MIER3: variants seen among roughly 807,000 people sequenced by gnomAD.
MIER3 encodes MIER family member 3.
Under a neutral mutation model 63.2 loss-of-function variants are expected in MIER3, and 9 were observed. The ratio of observed to expected loss-of-function variants is 0.14; its 90% confidence interval spans 0.09 to 0.25. The LOEUF is 0.25. Ranked by LOEUF, MIER3 falls within the 10% of genes least tolerant of loss-of-function variation. MIER3 has a pLI of 1.00. For missense variants in MIER3, 512 were observed against 666.2 expected, an observed-to-expected ratio of 0.77 and a Z score of 2.55; for synonymous variants, 205 against 224.9, an observed-to-expected ratio of 0.91 and a Z score of 0.79.
chr5:56,949,787 G>A (rs1750954593), intron 2 of MIER3, among the ~76,000 whole-genome samples: 2 of 152,200 alleles, frequency 1.3e-5, no homozygotes, highest in Admixed American at 1.3e-4. Context: ...GTAAAATAAT[G>A]GAGTTGGACT....
intron 3 of MIER3, 71 bp downstream of exon 3, chr5:56,946,854 TA>T (rs1750841125): frequency 8.7e-7 from 1 of 1,146,144 alleles, no homozygotes; most frequent in Admixed American, 3.5e-5. Flanking sequence ...TTATTTCAGG[TA>T]GATTATTTTT....
At chr5:56,933,205 T>C in intron 8 of MIER3, 42 bp downstream of exon 8, 1 of 1,514,814 alleles carries the variant, frequency 6.6e-7, no homozygotes, top group Non-Finnish European at 8.8e-7. Flanking sequence ...ATCAAGAAGA[T>C]ACTGTAAACT....
At chr5:56,926,745 T>A (rs910997081) in intron 10 of MIER3, among the ~76,000 whole-genome samples, 1 of 152,142 alleles carries the variant, frequency 6.6e-6, no homozygotes, top group African/African-American at 2.4e-5. Context: ...ATTGAAAACC[T>A]ACATCCACAT....
chr5:56,927,176 TC>T (rs1423474115), intron 10 of MIER3, among the ~76,000 whole-genome samples: 6 of 152,102 alleles, frequency 3.9e-5, no homozygotes, highest in Non-Finnish European at 7.4e-5. Flanking sequence ...TGGATATGTA[TC>T]ATTATATATT....
chr5:56,947,218 A>G, intron 2 of MIER3, 147 bp from the exon 3 acceptor site: 1 of 754,996 alleles, frequency 1.3e-6, no homozygotes, highest in South Asian at 2.3e-5. Flanking sequence ...TAGGTTATAA[A>G]TTAAGACCCC....
chr5:56,935,528 A>C, intron 6 of MIER3, 28 bp from the exon 7 acceptor site: 1 of 1,556,926 alleles, frequency 6.4e-7, no homozygotes, highest in Non-Finnish European at 8.7e-7. Context: ...GGTAAAAATA[A>C]CTTATTAAAA....
intron 5 of MIER3, among the ~76,000 whole-genome samples, 166 bp downstream of exon 5, chr5:56,937,412 C>T (rs892777376): frequency 6.6e-6 from 1 of 152,142 alleles, no homozygotes; most frequent in African/African-American, 2.4e-5. Context: ...ATTAGTTCAC[C>T]TCTATCCCAA....
chr5:56,940,465 G>T (rs1457007950), intron 3 of MIER3, among the ~76,000 whole-genome samples: 1 of 152,176 alleles, frequency 6.6e-6, no homozygotes, highest in African/African-American at 2.4e-5. Flanking sequence ...GCCCACAGGG[G>T]ATGCAAAAGT....
At chr5:56,949,076 C>T (rs1041248417) in intron 2 of MIER3, among the ~76,000 whole-genome samples, 1 of 152,192 alleles carries the variant, frequency 6.6e-6, no homozygotes. Flanking sequence ...CTCTAAAATT[C>T]TCTTTTTAAA....
At chr5:56,931,994 TTATAAA>T (rs1186907766) in intron 8 of MIER3, among the ~76,000 whole-genome samples, 33 of 152,152 alleles carry the variant, frequency 2.2e-4, no homozygotes, top group Admixed American at 1.2e-3. Context: ...CAATATACAA[TTATAAA>T]TATAATAGAG....
At chr5:56,935,391 T>A in intron 7 of MIER3, 37 bp downstream of exon 7, 1 of 1,470,828 alleles carries the variant, frequency 6.8e-7, no homozygotes, top group Non-Finnish European at 9.3e-7. Context: ...GGTAACCTTA[T>A]CTACCAAACA....
intron 5 of MIER3, among the ~76,000 whole-genome samples, chr5:56,936,667 T>C (rs1425126566): frequency 2.0e-5 from 3 of 151,970 alleles, no homozygotes; most frequent in Non-Finnish European, 4.4e-5. Flanking sequence ...CATGCCACTA[T>C]GCCCAGCTAA....
intron 12 of MIER3, 39 bp from the exon 13 acceptor site, chr5:56,923,624 A>G: frequency 6.2e-7 from 1 of 1,612,786 alleles, no homozygotes; most frequent in Non-Finnish European, 8.5e-7. Context: ...AAGTGGTCCT[A>G]TGACATCAAA....
At position 56,950,645 on chromosome 5, in the gene MIER3, AAAG is replaced by A; in HGVS notation, c.14_16del (p.Ser5del). Reference sequence around the variant, plus strand: ...GGACAAACCTGGGCTCGAACTTCCAAAAGAAGCCTAGGAGAGAGAGAAGAAAAC... The same window carrying A: ...GGACAAACCTGGGCTCGAACTTCCAAAAGCCTAGGAGAGAGAGAAGAAAAC... On this transcript the variant is annotated inframe_deletion, in exon 2 of 13. Coordinates refer to ENST00000381199, the MANE Select transcript of MIER3 (RefSeq NM_001297599.2). 6.2e-7 allele frequency: 1 copy of A among 1,613,764 alleles called. No individual in the cohort carries two copies.
intron 1 of MIER3, among the ~76,000 whole-genome samples, chr5:56,951,201 T>A (rs1751013575): frequency 6.6e-6 from 1 of 151,358 alleles, no homozygotes; most frequent in Non-Finnish European, 1.5e-5. Context: ...CCCCCCATCC[T>A]CTCTCTCGAG....
At chr5:56,936,338 A>G (rs1381790168) in intron 5 of MIER3, among the ~76,000 whole-genome samples, 1 of 152,160 alleles carries the variant, frequency 6.6e-6, no homozygotes, top group African/African-American at 2.4e-5. Flanking sequence ...TTCTGATTAT[A>G]CTAATCCAGG....
chr5:56,928,946 AG>A (rs1298531196), intron 9 of MIER3, 85 bp from the exon 10 acceptor site: 2 of 791,224 alleles, frequency 2.5e-6, no homozygotes, highest in African/African-American at 3.5e-5. Context: ...TCCCTGTAAA[AG>A]GTCACAAACT....
intron 4 of MIER3, chr5:56,938,448 A>ATCACCGCGG: frequency 2.2e-6 from 1 of 460,128 alleles, no homozygotes; most frequent in Non-Finnish European, 4.5e-6. Context: ...TTAGAGATGG[A>ATCACCGCGG]TCACCGCGGT....
chr5:56,926,116 C>T (rs1333986646), intron 10 of MIER3, among the ~76,000 whole-genome samples: 1 of 151,802 alleles, frequency 6.6e-6, no homozygotes, highest in Non-Finnish European at 1.5e-5. Flanking sequence ...GATTATAGAC[C>T]TAAATGTAAA....
Sources: allele counts gnomAD v4.1 joint callset (sites outside exome capture counted in the v4.1 genomes callset), GRCh38; gene constraint gnomAD v4.1.1; transcripts MANE v1.5; gene names NCBI Gene and HGNC (gene_info 2026-07-23, HGNC 2026-07-21).